ABCA13: variants seen among roughly 807,000 people sequenced by gnomAD.
ABCA13 encodes the protein ATP binding cassette subfamily A member 13, also known as ATP-binding cassette sub-family A member 13.
Under a neutral mutation model 478.7 loss-of-function variants are expected in ABCA13, and 476 were observed. The ratio of observed to expected loss-of-function variants is 0.99; its 90% CI spans 0.92 to 1.07. ABCA13 has a LOEUF of 1.07. ABCA13 is among the 50% of genes least tolerant of loss of function. ABCA13 has a pLI of 0.00. For missense variants in ABCA13, 6,060 were observed against 5,910.6 expected (o/e 1.03, Z -0.83); for synonymous variants, 2,252 against 2,158.9 (o/e 1.04, Z -1.20).
rs1796332365 is a variant in ABCA13, at chr7:48,276,552, A to G, written c.6886A>G (p.Ile2296Val). ...LLLKYFHKDV[I>V]AEMSFVPKDK... ...GCTGAAATATTTCCACAAAGATGTT[A>G]TTGCAGAGATGAGGTGAGTATACTT... Residue 2296 changes from isoleucine to valine, a missense_variant, in exon 17 of 62, where the codon ATT becomes GTT. Physicochemically the swap from Ile to Val is conservative, Grantham distance 29. This residue lies in a region of ABCA13 where 4,423 missense variants were observed against 4,309.1 expected (regional missense o/e 1.03). Transcript: ENST00000435803. 7 of 1,611,374 alleles carry G rather than the reference A, an allele frequency of 4.3e-6. No homozygotes were observed. The highest frequency in any genetic ancestry group is 4.0e-5 in the African/African-American group (3 of 74,908).
intron 56 of ABCA13, among the ~76,000 whole-genome samples, chr7:48,585,701 A>G (rs1789111865): frequency 6.6e-6 from 1 of 152,176 alleles, no homozygotes; most frequent in Non-Finnish European, 1.5e-5. Context: ...ACAATTATTA[A>G]CCAATCTTTT....
chr7:48,356,453 G>A (rs979035509), intron 31 of ABCA13, among the ~76,000 whole-genome samples: 25 of 151,352 alleles, frequency 1.7e-4, no homozygotes, highest in African/African-American at 4.6e-4. Context: ...AAAATTGGTA[G>A]TGTATAAACG....
chr7:48,207,648 T>C (rs1444710668), intron 3 of ABCA13, among the ~76,000 whole-genome samples: 3 of 152,162 alleles, frequency 2.0e-5, no homozygotes, highest in African/African-American at 7.2e-5. Flanking sequence ...TTGAATTGTT[T>C]GTTTGTTTTG....
chr7:48,646,532 T>A lies in ABCA13; in HGVS notation c.*1020T>A, dbSNP rs918850813. The A allele has an allele frequency of 1.3e-5, 2 of 152,006 alleles. No individual in the cohort carries two copies. Among genetic ancestry groups the A allele is most frequent in the African/African-American group, 4.8e-5 (2 of 41,392 alleles). The allele number at this position is 152,006 out of a possible 1,614,324, so 9.4% of individuals were successfully genotyped here. On this transcript the variant is annotated 3_prime_UTR_variant, in exon 62 of 62. Transcript: ENST00000435803. ...AGTCTTTTTTATTTATTTATTTTTT[T>A]TTTTTGAGGCGGAGTCTCGCTCTGT...
chr7:48,625,671 A>G (rs954172001), intron 59 of ABCA13, among the ~76,000 whole-genome samples: 1 of 152,206 alleles, frequency 6.6e-6, no homozygotes, highest in Non-Finnish European at 1.5e-5. Context: ...TTCTCATGCC[A>G]TTCTCATGCT....
At chr7:48,479,046 C>A (rs1482293328) in intron 45 of ABCA13, among the ~76,000 whole-genome samples, 2 of 149,306 alleles carry the variant, frequency 1.3e-5, no homozygotes, top group African/African-American at 4.9e-5. Context: ...CTCCTGGGTT[C>A]ACGCCATTCT....
At chr7:48,318,323 A>T (rs1034428231) in intron 27 of ABCA13, among the ~76,000 whole-genome samples, 1 of 152,006 alleles carries the variant, frequency 6.6e-6, no homozygotes, top group Non-Finnish European at 1.5e-5. Context: ...ACTTTAAAAC[A>T]TTTATATAAT....
At chr7:48,317,544 C>T (rs1373154813) in intron 27 of ABCA13, among the ~76,000 whole-genome samples, 7 of 152,162 alleles carry the variant, frequency 4.6e-5, no homozygotes, top group African/African-American at 1.7e-4. Context: ...ATGCAGTGAA[C>T]TTACAGAACT....
rs776492357 is a variant in ABCA13 at position 48,275,442 on chromosome 7, C to A, written c.5776C>A (p.Pro1926Thr). 3.7e-6 allele frequency: 6 copies of A among 1,613,792 alleles called. No homozygotes were observed. The highest frequency in any genetic ancestry group is 5.1e-6 in the Non-Finnish European group (6 of 1,179,880). The change falls in exon 17 of 62, where the codon CCG becomes ACG. Residue 1926 changes from proline (P) to threonine (T), a missense_variant. By Grantham distance (38) the Pro-to-Thr change is conservative (BLOSUM62 -1). Around this residue, in one of 3 missense-constraint regions of ABCA13, gnomAD observed 4,423 missense variants for 4,309.1 expected, o/e 1.03. Coordinates refer to ENST00000435803, the MANE Select transcript of ABCA13 (RefSeq NM_152701.5). The stretch of plus-strand genomic sequence containing the variant: ...GCAGAAATTTTGGCATAAGATATTA[C>A]CGTTTGTCCCACCTTCAATAAATCA... ...TVQKFWHKILPFVPPSINQTR... is the reference protein window; with the variant it reads ...TVQKFWHKILTFVPPSINQTR...
intron 31 of ABCA13, among the ~76,000 whole-genome samples, 200 bp downstream of exon 31, chr7:48,352,687 A>T (rs1319809941): frequency 6.6e-6 from 1 of 152,098 alleles, no homozygotes; most frequent in Non-Finnish European, 1.5e-5. Flanking sequence ...GGTTGAGATA[A>T]TACAATCAAG....
Position 48,476,829 on chromosome 7 carries a change from C to T in ABCA13, c.12976-4207C>T, listed in dbSNP as rs1585501143. Among the ~76,000 whole-genome samples, 5 of 151,968 alleles carry T rather than the reference C, an allele frequency of 3.3e-5. 1 individual carries two copies. The South Asian group carries it at 1.0e-3, about 32-fold the overall frequency. On this transcript the variant is annotated intron_variant, in intron 45 of 61. Coordinates refer to ENST00000435803, the MANE Select transcript of ABCA13 (RefSeq NM_152701.5). Reference sequence around the variant, plus strand: ...TCTAGGTAAATAAATATGCATAAGGCATGGGGGCATGAAGTGGGAAAGGAA... The same window carrying T: ...TCTAGGTAAATAAATATGCATAAGGTATGGGGGCATGAAGTGGGAAAGGAA...
chr7:48,417,077 C>T (rs1820118810), intron 41 of ABCA13, among the ~76,000 whole-genome samples: 1 of 152,102 alleles, frequency 6.6e-6, no homozygotes, highest in Non-Finnish European at 1.5e-5. Context: ...CCTCCCCTCC[C>T]TGCTTTAAGG....
intron 27 of ABCA13, among the ~76,000 whole-genome samples, chr7:48,334,462 G>C (rs1805907841): frequency 6.6e-6 from 1 of 151,950 alleles, no homozygotes; most frequent in Non-Finnish European, 1.5e-5. Context: ...AGCCTCCCAA[G>C]TAGCTGGGAT....
chr7:48,262,741 C>T (rs1466697971), intron 15 of ABCA13, among the ~76,000 whole-genome samples: 1 of 151,816 alleles, frequency 6.6e-6, no homozygotes, highest in East Asian at 1.9e-4. Flanking sequence ...AGGTGTATGT[C>T]AGCATAGAGG....
intron 19 of ABCA13, among the ~76,000 whole-genome samples, chr7:48,283,432 GAGGGTGCAGTTC>G (rs1797316811): frequency 6.6e-6 from 1 of 152,204 alleles, no homozygotes. Context: ...AGAAGACCTT[GAGGGTGCAGTTC>G]AGGGTGAGGA....
chr7:48,587,025 G>T, intron 56 of ABCA13, 129 bp from the exon 57 acceptor site: 1 of 1,226,790 alleles, frequency 8.2e-7, no homozygotes, highest in Non-Finnish European at 1.1e-6. Flanking sequence ...TTCAGGAGAT[G>T]TACTTGATTG....
chr7:48,599,321 A>G (rs1177677221), intron 58 of ABCA13, among the ~76,000 whole-genome samples: 1 of 151,540 alleles, frequency 6.6e-6, no homozygotes, highest in African/African-American at 2.4e-5. Context: ...TATGATTTCC[A>G]TCATTTTAAA....
intron 24 of ABCA13, among the ~76,000 whole-genome samples, chr7:48,310,799 G>A (rs534652373): frequency 6.6e-6 from 1 of 152,240 alleles, no homozygotes; most frequent in Admixed American, 6.5e-5. Flanking sequence ...GAGGAGCTGG[G>A]GCAAGCCCAG....
At chr7:48,188,835 A>G (rs1796703240) in intron 1 of ABCA13, among the ~76,000 whole-genome samples, 1 of 152,182 alleles carries the variant, frequency 6.6e-6, no homozygotes, top group Non-Finnish European at 1.5e-5. Flanking sequence ...TGCTCAGCCC[A>G]CAAGGTGAGA....
Sources: allele counts gnomAD v4.1 joint callset (sites outside exome capture counted in the v4.1 genomes callset), GRCh38; gene constraint gnomAD v4.1.1; regional missense constraint gnomAD v4.1.1; transcripts MANE v1.5; gene names NCBI Gene and HGNC (gene_info 2026-07-23, HGNC 2026-07-21).